The following PLEKHM3 variants were observed in gnomAD, a reference collection of about 807,000 sequenced individuals.
The protein encoded by PLEKHM3 is pleckstrin homology domain-containing family M member 3.
PLEKHM3 carries 45 observed loss-of-function variants against 81.8 expected under a neutral mutation model. The ratio of observed to expected loss-of-function variants is 0.55; its 90% confidence interval spans 0.43 to 0.71. PLEKHM3 has a LOEUF of 0.71. Ranked by LOEUF, PLEKHM3 falls within the 30% of genes least tolerant of loss-of-function variation. PLEKHM3 has a pLI of 0.00. For missense variants in PLEKHM3, 788 were observed against 924.3 expected, an observed-to-expected ratio of 0.85 and a Z score of 1.91; for synonymous variants, 352 against 356.4, an observed-to-expected ratio of 0.99 and a Z score of 0.14.
chr2:207,993,174 C>T (rs1691953663), intron 2 of PLEKHM3, among the ~76,000 whole-genome samples: 1 of 152,096 alleles, frequency 6.6e-6, no homozygotes, highest in African/African-American at 2.4e-5. Context: ...TTTAAAGGTT[C>T]CCATAGAGAA....
At chr2:207,870,356 C>A (rs1397530033) in intron 6 of PLEKHM3, among the ~76,000 whole-genome samples, 1 of 152,184 alleles carries the variant, frequency 6.6e-6, no homozygotes, top group African/African-American at 2.4e-5. Context: ...GCTTCCTTAG[C>A]CATTGTGTAA....
At chr2:207,909,681 T>C (rs1192194374) in intron 5 of PLEKHM3, among the ~76,000 whole-genome samples, 1 of 152,240 alleles carries the variant, frequency 6.6e-6, no homozygotes, top group African/African-American at 2.4e-5. Context: ...TTAGAATCAC[T>C]TGGAGAGCTT....
intron 2 of PLEKHM3, among the ~76,000 whole-genome samples, chr2:207,981,076 C>T (rs189177448): frequency 8.8e-5 from 13 of 147,488 alleles, no homozygotes; most frequent in South Asian, 4.2e-4. Context: ...TACAGTGAGC[C>T]GAGATTACGC....
intron 5 of PLEKHM3, among the ~76,000 whole-genome samples, chr2:207,912,866 C>T (rs527586506): frequency 6.6e-6 from 1 of 152,254 alleles, no homozygotes; most frequent in South Asian, 2.1e-4. Context: ...ACTGAATTTG[C>T]AAGACATTCT....
chr2:207,907,085 A>C (rs1027993843), intron 6 of PLEKHM3, among the ~76,000 whole-genome samples: 9 of 152,210 alleles, frequency 5.9e-5, no homozygotes, highest in Non-Finnish European at 1.2e-4. Context: ...TCTAGTGTCC[A>C]ACAGCTTCTC....
At position 207,992,838 on chromosome 2, in the gene PLEKHM3, G is replaced by T. The variant is rs117359826; in HGVS notation, c.610+8192C>A. ...GGAGGATTTTTGGAAAGTGAAAAGG[G>T]CAGGGAAAGTATTCTGGGATGAAGA... On this transcript the variant is annotated intron_variant, in intron 2 of 7. Coordinates refer to ENST00000427836, the MANE Select transcript of PLEKHM3 (RefSeq NM_001080475.3). Among the ~76,000 whole-genome samples the T allele has an allele frequency of 6.2e-4, 94 of 152,310 alleles. 1 individual carries two copies. The East Asian group carries it at 0.017, about 28-fold the overall frequency.
At chr2:207,864,594 C>G (rs2092485861) in intron 6 of PLEKHM3, among the ~76,000 whole-genome samples, 1 of 152,116 alleles carries the variant, frequency 6.6e-6, no homozygotes, top group South Asian at 2.1e-4. Flanking sequence ...AAGAGAAGAC[C>G]TTGAGGAAGA....
rs141560061 is a variant in PLEKHM3 at position 207,863,138 on chromosome 2, G to A, written c.1951-1876C>T. 4.1e-3 allele frequency among the ~76,000 whole-genome samples: 628 copies of A among 152,322 alleles called. 4 individuals carry two copies. Among genetic ancestry groups the A allele is most frequent in the African/African-American group, 0.014 (587 of 41,572 alleles). ...AGAGAACTGAGCCATGCATTTCTTCGAGGTCCAAGGCCATGCTTGGTGCAT... is the reference window on the plus strand; with the variant it reads ...AGAGAACTGAGCCATGCATTTCTTCAAGGTCCAAGGCCATGCTTGGTGCAT... On this transcript the variant is annotated intron_variant, in intron 6 of 7. Coordinates refer to ENST00000427836, the MANE Select transcript of PLEKHM3 (RefSeq NM_001080475.3).
intron 1 of PLEKHM3, among the ~76,000 whole-genome samples, chr2:208,023,034 A>C (rs1012364309): frequency 2.0e-5 from 3 of 152,222 alleles, no homozygotes; most frequent in Non-Finnish European, 4.4e-5. Flanking sequence ...GCAACTAACT[A>C]TGAATGGGGC....
intron 2 of PLEKHM3, among the ~76,000 whole-genome samples, chr2:207,979,230 T>C (rs1691436099): frequency 6.6e-6 from 1 of 152,260 alleles, no homozygotes; most frequent in South Asian, 2.1e-4. Flanking sequence ...CTGACATTCT[T>C]ATCAGACATG....
intron 7 of PLEKHM3, among the ~76,000 whole-genome samples, chr2:207,848,616 T>A (rs1255698583): frequency 6.6e-6 from 1 of 152,230 alleles, no homozygotes; most frequent in Non-Finnish European, 1.5e-5. Context: ...CAAGCCTTTA[T>A]ATGGTTTGAG....
chr2:207,894,760 T>C lies in PLEKHM3; in HGVS notation c.1950+13754A>G, dbSNP rs142966693. 9.8e-4 allele frequency among the ~76,000 whole-genome samples: 150 copies of C among 152,328 alleles called. No homozygotes were observed. The East Asian group carries it at 0.02, about 21-fold the overall frequency. On this transcript the variant is annotated intron_variant, in intron 6 of 7. Coordinates refer to ENST00000427836, the MANE Select transcript of PLEKHM3 (RefSeq NM_001080475.3). ...TGGCAGTATTCATTCTTCTTTCTTTTAATACGTTTGAAACATTTCACACAA... is the reference window on the plus strand; with the variant it reads ...TGGCAGTATTCATTCTTCTTTCTTTCAATACGTTTGAAACATTTCACACAA...
chr2:207,901,566 A>C (rs1688427905), intron 6 of PLEKHM3, among the ~76,000 whole-genome samples: 1 of 152,204 alleles, frequency 6.6e-6, no homozygotes, highest in African/African-American at 2.4e-5. Context: ...GAGACCGAGC[A>C]TGAGGCATGA....
intron 7 of PLEKHM3, among the ~76,000 whole-genome samples, chr2:207,831,708 A>G (rs1575261559): frequency 1.3e-5 from 2 of 152,112 alleles, no homozygotes; most frequent in Non-Finnish European, 2.9e-5. Flanking sequence ...TGGCAGGGTC[A>G]CCTCTAGCAT....
At chr2:207,955,833 C>A (rs893975094) in intron 3 of PLEKHM3, among the ~76,000 whole-genome samples, 1 of 152,152 alleles carries the variant, frequency 6.6e-6, no homozygotes, top group African/African-American at 2.4e-5. Flanking sequence ...ATGAATATAG[C>A]CTGGGACATC....
intron 1 of PLEKHM3, among the ~76,000 whole-genome samples, chr2:208,006,876 T>C (rs981582110): frequency 9.2e-5 from 14 of 152,238 alleles, no homozygotes; most frequent in Admixed American, 9.2e-4. Context: ...AAGAATCCTA[T>C]GCATGCATCA....
At chr2:207,937,474 G>A (rs1689794184) in intron 4 of PLEKHM3, among the ~76,000 whole-genome samples, 1 of 151,992 alleles carries the variant, frequency 6.6e-6, no homozygotes, top group African/African-American at 2.4e-5. Flanking sequence ...GGAGGCTGGG[G>A]TGGGAGGAAT....
At chr2:208,016,713 C>T (rs1692934711) in intron 1 of PLEKHM3, among the ~76,000 whole-genome samples, 3 of 139,386 alleles carry the variant, frequency 2.2e-5, no homozygotes, top group South Asian at 4.4e-4. Context: ...TTCATATTAC[C>T]ATACTACCAT....
intron 2 of PLEKHM3, among the ~76,000 whole-genome samples, chr2:207,993,453 AC>A (rs1374941542): frequency 6.6e-6 from 1 of 151,936 alleles, no homozygotes; most frequent in Non-Finnish European, 1.5e-5. Flanking sequence ...CTTTTGAGAA[AC>A]ATCATAATTG....
Sources: allele counts gnomAD v4.1 joint callset (sites outside exome capture counted in the v4.1 genomes callset), GRCh38; gene constraint gnomAD v4.1.1; transcripts MANE v1.5; gene names NCBI Gene and HGNC (gene_info 2026-07-23, HGNC 2026-07-21).